The following MAEA variants were observed in gnomAD, a reference collection of about 807,000 sequenced individuals.
MAEA encodes the protein E3 ubiquitin-protein transferase MAEA.
A neutral mutation model predicts 46.2 loss-of-function variants in MAEA; 22 were observed. The ratio of observed to expected loss-of-function variants is 0.48; its 90% CI spans 0.34 to 0.68. The LOEUF is 0.68. Among genes scored for constraint, MAEA ranks in the 30% least tolerant of loss-of-function variants. The pLI, the probability that MAEA is intolerant of heterozygous loss-of-function variation, is 0.01. For missense variants in MAEA, 393 were observed against 558.1 expected (o/e 0.70, Z 2.98); for synonymous variants, 246 against 222.6 (o/e 1.11, Z -0.94).
intron 1 of MAEA, among the ~76,000 whole-genome samples, chr4:1,296,664 C>T (rs1480721447): frequency 6.6e-6 from 1 of 151,802 alleles, no homozygotes; most frequent in African/African-American, 2.4e-5. Flanking sequence ...CCTCCAGCTA[C>T]TACTCCCTGT....
intron 2 of MAEA, among the ~76,000 whole-genome samples, chr4:1,312,766 G>A (rs1736678377): frequency 6.6e-6 from 1 of 152,178 alleles, no homozygotes; most frequent in Non-Finnish European, 1.5e-5. Flanking sequence ...CCTCCAAGGA[G>A]CATGTGGAGT....
chr4:1,306,470 A>G (rs7668719), intron 1 of MAEA, among the ~76,000 whole-genome samples: 26,728 of 152,064 alleles, frequency 0.18, 4,683 homozygotes, highest in East Asian at 0.42. Context: ...AGCCGAGATC[A>G]CGCTATTGCA....
At position 1,334,999 on chromosome 4, in the gene MAEA, C is replaced by T. The variant is rs1360486092; in HGVS notation, c.766-1862C>T. The T allele has an allele frequency of 1.2e-5, 12 of 985,322 alleles. No homozygotes were observed. The Admixed American group carries it at 3.1e-4, about 25-fold the overall frequency. 61.0% of individuals were successfully genotyped at this position (985,322 alleles called of 1,614,324 possible). Reference sequence around the variant, plus strand: ...TACAGAGACTGATGGGTGACGTCCCCTGATGACCACCTCCCCTCCCTCCAG... The same window carrying T: ...TACAGAGACTGATGGGTGACGTCCCTTGATGACCACCTCCCCTCCCTCCAG... On this transcript the variant is annotated intron_variant, in intron 6 of 8. Coordinates refer to ENST00000303400, the MANE Select transcript of MAEA (RefSeq NM_001017405.3).
At chr4:1,307,332 G>GC (rs1305310623) in intron 1 of MAEA, among the ~76,000 whole-genome samples, 2 of 152,072 alleles carry the variant, frequency 1.3e-5, no homozygotes, top group Non-Finnish European at 2.9e-5. Context: ...CCCCACCCCA[G>GC]CCCCTGGGAT....
chr4:1,329,405 G>C (rs776735165), intron 5 of MAEA: 235 of 985,300 alleles, frequency 2.4e-4, no homozygotes, highest in Non-Finnish European at 2.7e-4. Context: ...TGTCTGAGCC[G>C]AGCTCAGAGC....
At chr4:1,302,375 T>C (rs58847530) in intron 1 of MAEA, among the ~76,000 whole-genome samples, 23,325 of 152,280 alleles carry the variant, frequency 0.15, 3,469 homozygotes, top group East Asian at 0.42. Context: ...CTAAGACAGC[T>C]GCTCAGAACA....
At chr4:1,290,807 T>G (rs1273347403) in intron 1 of MAEA, among the ~76,000 whole-genome samples, 1 of 152,180 alleles carries the variant, frequency 6.6e-6, no homozygotes, top group Non-Finnish European at 1.5e-5. Context: ...GAGGATGCAG[T>G]ATGGCCAGGT....
intron 5 of MAEA, chr4:1,329,864 C>T (rs1577225251): frequency 7.1e-6 from 7 of 985,476 alleles, no homozygotes; most frequent in Non-Finnish European, 8.4e-6. Flanking sequence ...AGGGCCCTCT[C>T]ACCTGCTGCC....
chr4:1,313,167 G>T (rs568793783), intron 2 of MAEA, among the ~76,000 whole-genome samples: 2 of 152,262 alleles, frequency 1.3e-5, no homozygotes, highest in African/African-American at 4.8e-5. Flanking sequence ...CCTTCACTCC[G>T]GTGAGGTGGT....
At chr4:1,317,744 A>G (rs1737480608) in intron 3 of MAEA, among the ~76,000 whole-genome samples, 2 of 152,314 alleles carry the variant, frequency 1.3e-5, no homozygotes, top group South Asian at 4.1e-4. Flanking sequence ...CAGCTGTGCC[A>G]TGAGTTGATC....
chr4:1,313,100 C>T (rs892046228), intron 2 of MAEA, among the ~76,000 whole-genome samples: 2 of 152,190 alleles, frequency 1.3e-5, no homozygotes, highest in Admixed American at 6.5e-5. Context: ...AGTGGACTGG[C>T]GTTGACACAG....
intron 5 of MAEA, 94 bp from the exon 6 acceptor site, chr4:1,332,663 C>T (rs377632312): frequency 1.1e-6 from 1 of 884,974 alleles, no homozygotes; most frequent in Non-Finnish European, 1.8e-6. Context: ...GTGACTGTGC[C>T]ACTGCACTGC....
At chr4:1,327,265 C>T (rs968542810) in intron 4 of MAEA, among the ~76,000 whole-genome samples, 2 of 152,240 alleles carry the variant, frequency 1.3e-5, no homozygotes, top group African/African-American at 4.8e-5. Flanking sequence ...GCTGCTTTGT[C>T]CTTGCAGAGG....
intron 2 of MAEA, among the ~76,000 whole-genome samples, chr4:1,314,404 C>T (rs1318251312): frequency 6.6e-6 from 1 of 151,438 alleles, no homozygotes; most frequent in Non-Finnish European, 1.5e-5. Flanking sequence ...AAAAACTCAA[C>T]ATTTGCCTAT....
chr4:1,339,057 C>T lies in MAEA; in HGVS notation c.1096-17C>T, dbSNP rs755657321. ...TGTAGTCGCTTGCCTTAATGCATTCCCGGTTTTATTTTTCAGTCTCTGCTT... is the reference window on the plus strand; with the variant it reads ...TGTAGTCGCTTGCCTTAATGCATTCTCGGTTTTATTTTTCAGTCTCTGCTT... On this transcript the variant is annotated splice_polypyrimidine_tract_variant and intron_variant, in intron 8 of 8. Coordinates refer to ENST00000303400, the MANE Select transcript of MAEA (RefSeq NM_001017405.3). 1 of 1,603,632 alleles carries T rather than the reference C, an allele frequency of 6.2e-7. No homozygotes were observed. Among genetic ancestry groups the T allele is most frequent in the Non-Finnish European group, 8.5e-7 (1 of 1,170,598 alleles).
chr4:1,298,077 G>A (rs1480309328), intron 1 of MAEA: 1 of 456,326 alleles, frequency 2.2e-6, no homozygotes, highest in South Asian at 1.5e-5. Context: ...TGGCAGCATA[G>A]CCATGCTTCT....
Position 1,315,618 on chromosome 4 carries a change from G to T in MAEA, c.456+18G>T. On this transcript the variant is annotated intron_variant, in intron 3 of 8. Coordinates refer to ENST00000303400, the MANE Select transcript of MAEA (RefSeq NM_001017405.3). ...GCATCGAGGTGGGTGCCCGCCAGACGCAGGCACAGCGCCCCAGCTGGCCCC... is the reference window on the plus strand; with the variant it reads ...GCATCGAGGTGGGTGCCCGCCAGACTCAGGCACAGCGCCCCAGCTGGCCCC... The T allele has an allele frequency of 6.2e-7, 1 of 1,611,194 alleles. No homozygotes were observed. Among genetic ancestry groups the T allele is most frequent in the Admixed American group, 1.7e-5 (1 of 59,890 alleles).
In MAEA at chr4:1,311,487, T is replaced by TC. The variant is rs1328299654; in HGVS notation, c.70-489dup. Among the ~76,000 whole-genome samples the TC allele has an allele frequency of 6.6e-6, 1 of 152,170 alleles. No individual in the cohort carries two copies. The highest frequency in any genetic ancestry group is 1.5e-5 in the Non-Finnish European group (1 of 68,028). ...AGGTGTGGGTCGTGCACTTGTGGCTTCCCGTGCGTGTGTGAGGCTTGCTGT... is the reference window on the plus strand; with the variant it reads ...AGGTGTGGGTCGTGCACTTGTGGCTTCCCCGTGCGTGTGTGAGGCTTGCTGT... On this transcript the variant is annotated intron_variant, in intron 1 of 8. Coordinates refer to ENST00000303400, the MANE Select transcript of MAEA (RefSeq NM_001017405.3). The surrounding 1 kb of genome is among the most constrained non-coding windows in gnomAD (Gnocchi z 4.4).
At chr4:1,315,742 C>CTCCCCCCACCCCCGTGTGCGTGTG in intron 3 of MAEA, 142 bp downstream of exon 3, 2 of 580,690 alleles carry the variant, frequency 3.4e-6, no homozygotes, top group Non-Finnish European at 5.9e-6. Context: ...TTGTGTTCCC[C>CTCCCCCCACCCCCGTGTGCGTGTG]TCCCCCCACC....
Sources: gnomAD v4.1 joint callset for allele counts (sites outside exome capture counted in the v4.1 genomes callset) on GRCh38, gnomAD v4.1.1 for gene constraint, Gnocchi (gnomAD v3.1) non-coding constraint, MANE v1.5 for transcripts, NCBI Gene and HGNC (gene_info 2026-07-23, HGNC 2026-07-21) for gene names.